The following FBXL17 variants were observed in gnomAD, a reference collection of about 807,000 sequenced individuals.
FBXL17 encodes F-box and leucine rich repeat protein 17.
FBXL17 carries 22 observed loss-of-function variants against 66.2 expected under a neutral mutation model. The observed-to-expected ratio is 0.33, with a 90% CI of 0.24 to 0.47. The LOEUF is 0.47. Among genes scored for constraint, FBXL17 ranks in the 20% least tolerant of loss-of-function variants. FBXL17 has a pLI of 1.00. For missense variants in FBXL17, 878 were observed against 948.2 expected, an observed-to-expected ratio of 0.93 and a Z score of 0.97; for synonymous variants, 474 against 400.5, an observed-to-expected ratio of 1.18 and a Z score of -2.19.
chr5:108,117,559 T>C (rs1257806394), intron 6 of FBXL17, among the ~76,000 whole-genome samples: 2 of 152,290 alleles, frequency 1.3e-5, no homozygotes, highest in East Asian at 3.9e-4. Context: ...ACTATGAGTA[T>C]GCCTTTCACG....
At chr5:108,063,910 T>C (rs576181121) in intron 6 of FBXL17, among the ~76,000 whole-genome samples, 2 of 152,298 alleles carry the variant, frequency 1.3e-5, no homozygotes, top group Non-Finnish European at 2.9e-5. Context: ...TATTTCTCAA[T>C]TTCTTTTTCA....
At chr5:107,967,193 A>G (rs1018227894) in intron 7 of FBXL17, among the ~76,000 whole-genome samples, 1 of 151,984 alleles carries the variant, frequency 6.6e-6, no homozygotes, top group Non-Finnish European at 1.5e-5. Context: ...ATCGTTTTAA[A>G]TTGTGTATAC....
At chr5:108,099,175 A>AT (rs1016590576) in intron 6 of FBXL17, among the ~76,000 whole-genome samples, 6 of 152,216 alleles carry the variant, frequency 3.9e-5, no homozygotes, top group Non-Finnish European at 8.8e-5. Flanking sequence ...ATATAACTAC[A>AT]TTTTTTTTAA....
chr5:108,034,637 T>C (rs1746769103), intron 6 of FBXL17, among the ~76,000 whole-genome samples: 1 of 152,284 alleles, frequency 6.6e-6, no homozygotes, highest in South Asian at 2.1e-4. Context: ...AATAAAAATC[T>C]TCACTGAAAC....
At chr5:108,048,796 T>C (rs1747358910) in intron 6 of FBXL17, among the ~76,000 whole-genome samples, 1 of 151,796 alleles carries the variant, frequency 6.6e-6, no homozygotes, top group African/African-American at 2.4e-5. Flanking sequence ...CTCTGAGAAA[T>C]ATGGGACTAC....
chr5:107,865,382 C>T (rs1022426785), intron 8 of FBXL17, among the ~76,000 whole-genome samples: 3 of 146,300 alleles, frequency 2.1e-5, no homozygotes, highest in African/African-American at 7.9e-5. Flanking sequence ...TAATTGTTCA[C>T]TTTAGTAAAT....
At chr5:107,922,750 A>G (rs1263913192) in intron 7 of FBXL17, among the ~76,000 whole-genome samples, 11 of 152,226 alleles carry the variant, frequency 7.2e-5, no homozygotes, top group Non-Finnish European at 8.8e-5. Context: ...TGAGGTTAAT[A>G]TAACAGGCAG....
chr5:108,019,545 A>G (rs1405266544), intron 7 of FBXL17, among the ~76,000 whole-genome samples: 1 of 152,136 alleles, frequency 6.6e-6, no homozygotes, highest in Non-Finnish European at 1.5e-5. Flanking sequence ...ATATACAAAA[A>G]GACTGGAAGA....
chr5:108,147,026 A>G (rs1751587912), intron 6 of FBXL17, among the ~76,000 whole-genome samples: 1 of 152,214 alleles, frequency 6.6e-6, no homozygotes, highest in South Asian at 2.1e-4. Context: ...TTGCTGTTGC[A>G]TCCTCACATG....
chr5:108,133,234 T>C (rs1446234825), intron 6 of FBXL17, among the ~76,000 whole-genome samples: 2 of 152,324 alleles, frequency 1.3e-5, no homozygotes, highest in East Asian at 3.9e-4. Context: ...ACCTCCTCTT[T>C]ATCTTTTTCT....
chr5:108,233,005 T>G (rs1189713443), intron 4 of FBXL17, among the ~76,000 whole-genome samples: 1 of 151,610 alleles, frequency 6.6e-6, no homozygotes, highest in Admixed American at 6.6e-5. Context: ...AAGTATTGTA[T>G]GGACATATAT....
At chr5:107,988,159 C>G (rs991277889) in intron 7 of FBXL17, among the ~76,000 whole-genome samples, 4 of 151,962 alleles carry the variant, frequency 2.6e-5, no homozygotes, top group African/African-American at 9.7e-5. Flanking sequence ...ACGAGATATT[C>G]AGAAGTCCTC....
At chr5:108,052,819 A>C (rs1747535627) in intron 6 of FBXL17, among the ~76,000 whole-genome samples, 1 of 152,220 alleles carries the variant, frequency 6.6e-6, no homozygotes. Flanking sequence ...ACAGCAACCA[A>C]AACAGCATGG....
chr5:108,237,437 T>A (rs530573429), intron 4 of FBXL17, among the ~76,000 whole-genome samples: 55 of 152,136 alleles, frequency 3.6e-4, no homozygotes, highest in Non-Finnish European at 6.6e-4. Context: ...GACTTCTGAC[T>A]AGAACCAAAA....
chr5:108,133,056 A>G (rs922410742), intron 6 of FBXL17, among the ~76,000 whole-genome samples: 31 of 152,218 alleles, frequency 2.0e-4, no homozygotes, highest in Non-Finnish European at 1.0e-4. Context: ...GGAAACAATA[A>G]TCGTCATTAA....
intron 6 of FBXL17, among the ~76,000 whole-genome samples, chr5:108,145,947 AGTG>A (rs576868349): frequency 1.4e-3 from 207 of 152,114 alleles, no homozygotes; most frequent in African/African-American, 4.8e-3. Context: ...GGCCGGGTGC[AGTG>A]GCTCACGCCT....
chr5:108,197,507 A>G (rs1045836355), intron 5 of FBXL17, among the ~76,000 whole-genome samples: 1 of 152,194 alleles, frequency 6.6e-6, no homozygotes, highest in Non-Finnish European at 1.5e-5. Context: ...TTGGAAATAT[A>G]TTCCAAATGA....
At chr5:108,296,303 T>C (rs942252345) in intron 4 of FBXL17, among the ~76,000 whole-genome samples, 13 of 151,784 alleles carry the variant, frequency 8.6e-5, no homozygotes, top group African/African-American at 2.7e-4. Context: ...GATTCATGAT[T>C]TGAAACAATG....
intron 7 of FBXL17, among the ~76,000 whole-genome samples, chr5:107,949,413 A>T (rs1751425744): frequency 6.6e-6 from 1 of 152,206 alleles, no homozygotes; most frequent in African/African-American, 2.4e-5. Flanking sequence ...AGAAGAAAAG[A>T]TCTGGAAGAG....
Sources: allele counts gnomAD v4.1 joint callset (sites outside exome capture counted in the v4.1 genomes callset), GRCh38; gene constraint gnomAD v4.1.1; transcripts MANE v1.5; gene names NCBI Gene and HGNC (gene_info 2026-07-23, HGNC 2026-07-21).